The following KCNK2 variants were observed in gnomAD, a reference collection of about 807,000 sequenced individuals.
The protein encoded by KCNK2 is potassium channel subfamily K member 2.
A neutral mutation model predicts 40.5 loss-of-function variants in KCNK2; 21 were observed. That is an observed-to-expected ratio of 0.52 (90% CI 0.37 to 0.75). The LOEUF (loss-of-function observed/expected upper bound fraction) is 0.75, where lower values mean the gene tolerates loss of function less well. Ranked by LOEUF, KCNK2 falls within the 30% of genes least tolerant of loss-of-function variation. The pLI is 0.00. For missense variants in KCNK2, 399 were observed against 531.6 expected, an observed-to-expected ratio of 0.75 and a Z score of 2.45; for synonymous variants, 191 against 202.2, an observed-to-expected ratio of 0.94 and a Z score of 0.47.
intron 2 of KCNK2, among the ~76,000 whole-genome samples, chr1:215,093,199 A>G (rs1659766729): frequency 6.6e-6 from 1 of 151,690 alleles, no homozygotes; most frequent in African/African-American, 2.4e-5. Flanking sequence ...ATCTGTAAGG[A>G]CTAGAATCCA....
At chr1:215,099,670 C>G (rs1036093058) in intron 2 of KCNK2, among the ~76,000 whole-genome samples, 2 of 151,782 alleles carry the variant, frequency 1.3e-5, no homozygotes, top group Non-Finnish European at 2.9e-5. Context: ...CTCAGTAGAC[C>G]CCATCACATG....
At chr1:215,192,194 A>G in intron 5 of KCNK2, among the ~76,000 whole-genome samples, 1 of 152,212 alleles carries the variant, frequency 6.6e-6, no homozygotes, top group East Asian at 1.9e-4. Context: ...GTGAAAATTA[A>G]TTCATGAATC....
In KCNK2 at chr1:215,027,859, CAA is replaced by C. The variant is rs1419202092; in HGVS notation, c.34+21907_34+21908del. Among the ~76,000 whole-genome samples the C allele has an allele frequency of 5.3e-5, 8 of 152,200 alleles. No homozygotes were observed. The East Asian group carries it at 1.5e-3, about 29-fold the overall frequency. Reference sequence around the variant, plus strand: ...ATTCACTTCTGTAGAAATTGGCCAACAAAAGTTTCTTTAGTTTACATTGATAA... The same window carrying C: ...ATTCACTTCTGTAGAAATTGGCCAACAAGTTTCTTTAGTTTACATTGATAA... On this transcript the variant is annotated intron_variant, in intron 1 of 6. Transcript: ENST00000391895.
chr1:215,199,863 A>C (rs1003223417), intron 6 of KCNK2, among the ~76,000 whole-genome samples: 1 of 152,170 alleles, frequency 6.6e-6, no homozygotes, highest in Non-Finnish European at 1.5e-5. Flanking sequence ...TACTACACAC[A>C]GGCATACCTC....
intron 6 of KCNK2, among the ~76,000 whole-genome samples, 162 bp downstream of exon 6, chr1:215,195,254 A>T (rs1358843853): frequency 1.3e-5 from 2 of 152,082 alleles, no homozygotes; most frequent in African/African-American, 4.8e-5. Context: ...CAAATATATG[A>T]GTTGTAATTT....
At position 215,009,589 on chromosome 1, in the gene KCNK2, G is replaced by T. The variant is rs562692729; in HGVS notation, c.34+3634G>T. Among the ~76,000 whole-genome samples the T allele has an allele frequency of 8.6e-5, 13 of 151,912 alleles. No individual in the cohort carries two copies. The South Asian group carries it at 2.7e-3, about 32-fold the overall frequency. On this transcript the variant is annotated intron_variant, in intron 1 of 6. Coordinates refer to the KCNK2 transcript ENST00000391895. ...AATGGTTATGGAGTAATGAGACTTTGCATCTAGTATAATTTGTTTAATAGT... is the reference window on the plus strand; with the variant it reads ...AATGGTTATGGAGTAATGAGACTTTTCATCTAGTATAATTTGTTTAATAGT...
In KCNK2 at chr1:215,172,004, A is replaced by G; in HGVS notation, c.644A>G (p.Asn215Ser). 1 of 1,610,778 alleles carries G rather than the reference A, an allele frequency of 6.2e-7. No individual in the cohort carries two copies. Among genetic ancestry groups the G allele is most frequent in the Admixed American group, 1.7e-5 (1 of 59,780 alleles). The change falls in exon 5 of 7, where the codon AAT (asparagine) becomes AGT (serine). Residue 215 changes from asparagine to serine, a missense_variant. Physicochemically the swap from Asn to Ser is conservative, Grantham distance 46. This residue lies in a region of KCNK2 where 279 missense variants were observed against 353.8 expected (regional missense o/e 0.79). Transcript: ENST00000444842. ...AKVEDTFIKW[N>S]VSQTKIRIIS... ...TTTCTGTCTCATCCCTAGAAGTGGA[A>G]TGTTAGTCAGACCAAGATTCGCATC... is the stretch of plus-strand genomic sequence containing the variant.
At chr1:215,233,145 T>C (rs1666740225) in intron 6 of KCNK2, among the ~76,000 whole-genome samples, 1 of 152,166 alleles carries the variant, frequency 6.6e-6, no homozygotes, top group Admixed American at 6.6e-5. Context: ...GATTTGCACC[T>C]CTTTCCCAGC....
chr1:215,027,840 T>G (rs376207851), intron 1 of KCNK2, among the ~76,000 whole-genome samples: 99 of 152,316 alleles, frequency 6.5e-4, no homozygotes, highest in African/African-American at 2.4e-3. Context: ...TTCCATTCAC[T>G]TCTGTAGAAA....
chr1:215,083,476 C>A (rs757502103), intron 1 of KCNK2, 45 bp downstream of exon 1: 11 of 1,414,468 alleles, frequency 7.8e-6, no homozygotes, highest in Non-Finnish European at 1.1e-5. Context: ...GCCGCACGCT[C>A]TCCTGCCCCA....
Position 215,056,499 on chromosome 1 carries a change from CAAAAAAAAA to C in KCNK2, c.35-29854_35-29846del, listed in dbSNP as rs376076606. Among the ~76,000 whole-genome samples the C allele has an allele frequency of 5.5e-3, 303 of 55,204 alleles. 8 individuals carry two copies. In the East Asian group the frequency reaches 0.11, roughly 20 times the overall value. The allele number at this position is 55,204 out of a possible 152,430, so 36.2% of individuals were successfully genotyped here. On this transcript the variant is annotated intron_variant, in intron 1 of 6. Coordinates refer to the KCNK2 transcript ENST00000391895. ...CAGGCAACAGAGTGAGACTCAGTCT[CAAAAAAAAA>C]AAAAAAAAAAAAAAGAAGAAGAAGG...
intron 2 of KCNK2, 112 bp downstream of exon 2, chr1:215,086,790 C>T: frequency 1.1e-6 from 1 of 917,956 alleles, no homozygotes; most frequent in Non-Finnish European, 1.7e-6. Context: ...GAGCCCTATC[C>T]CACCTCATTT....
intron 6 of KCNK2, among the ~76,000 whole-genome samples, chr1:215,211,698 A>G (rs1665751270): frequency 6.6e-6 from 1 of 152,176 alleles, no homozygotes; most frequent in African/African-American, 2.4e-5. Context: ...GTAGAGAGAA[A>G]ATGATTCAAC....
chr1:215,196,380 C>T (rs539281833), intron 6 of KCNK2, among the ~76,000 whole-genome samples: 9 of 152,190 alleles, frequency 5.9e-5, no homozygotes, highest in African/African-American at 2.2e-4. Flanking sequence ...AGCCACCGTG[C>T]CAGGCCAAGT....
At chr1:215,183,522 A>G (rs1006334838) in intron 5 of KCNK2, among the ~76,000 whole-genome samples, 2 of 152,122 alleles carry the variant, frequency 1.3e-5, no homozygotes, top group African/African-American at 4.8e-5. Flanking sequence ...TTGTATCTGT[A>G]AGGTCCTATG....
At chr1:215,050,433 T>C in intron 1 of KCNK2, among the ~76,000 whole-genome samples, 1 of 152,162 alleles carries the variant, frequency 6.6e-6, no homozygotes, top group East Asian at 1.9e-4. Context: ...ACTTCTCTGT[T>C]CCAAGAAGTA....
intron 1 of KCNK2, among the ~76,000 whole-genome samples, chr1:215,047,717 CTT>C (rs1657825388): frequency 6.6e-6 from 1 of 152,102 alleles, no homozygotes; most frequent in East Asian, 1.9e-4. Context: ...AACTTTTCCT[CTT>C]GTTTTAATAA....
chr1:215,216,722 T>C (rs1665977601), intron 6 of KCNK2, among the ~76,000 whole-genome samples: 1 of 152,088 alleles, frequency 6.6e-6, no homozygotes, highest in Non-Finnish European at 1.5e-5. Flanking sequence ...CCTGTAAATA[T>C]TGAATAACAT....
chr1:215,120,543 T>G (rs965402614), intron 2 of KCNK2, among the ~76,000 whole-genome samples: 3 of 152,206 alleles, frequency 2.0e-5, no homozygotes, highest in Non-Finnish European at 4.4e-5. Flanking sequence ...TGGAAACATT[T>G]AGTTCTTCCT....
Sources: gnomAD v4.1 joint callset for allele counts (sites outside exome capture counted in the v4.1 genomes callset) on GRCh38, gnomAD v4.1.1 for gene constraint, gnomAD v4.1.1 regional missense constraint, MANE v1.5 for transcripts, NCBI Gene and HGNC (gene_info 2026-07-23, HGNC 2026-07-21) for gene names.